The following AGPS variants were observed in gnomAD, a reference collection of about 807,000 sequenced individuals.
AGPS encodes alkyldihydroxyacetonephosphate synthase, peroxisomal.
In AGPS, 26 loss-of-function variants were observed where a neutral mutation model predicts 90.7. That is an observed-to-expected ratio of 0.29 (90% CI 0.21 to 0.40). The LOEUF is 0.40. Among genes scored for constraint, AGPS ranks in the 10% least tolerant of loss-of-function variants. AGPS has a pLI of 1.00. For missense variants in AGPS, 540 were observed against 816.1 expected, an observed-to-expected ratio of 0.66 and a Z score of 4.12; for synonymous variants, 294 against 285.3, an observed-to-expected ratio of 1.03 and a Z score of -0.31.
Position 177,524,004 on chromosome 2 carries a change from G to A in AGPS, c.1855+199G>A, listed in dbSNP as rs915698044. Among the ~76,000 whole-genome samples the A allele has an allele frequency of 7.2e-5, 11 of 152,256 alleles. No individual in the cohort carries two copies. The East Asian group carries it at 1.2e-3, about 16-fold the overall frequency. On this transcript the variant is annotated intron_variant, in intron 19 of 19. Transcript: ENST00000264167. Reference sequence around the variant, plus strand: ...AGCCACTAGAAGCTTACTTTGACACGCCTGCCTAGAAATGGAGCCCAGGCA... The same window carrying A: ...AGCCACTAGAAGCTTACTTTGACACACCTGCCTAGAAATGGAGCCCAGGCA...
chr2:177,499,843 TC>T, intron 14 of AGPS, 113 bp downstream of exon 14: 1 of 684,758 alleles, frequency 1.5e-6, no homozygotes, highest in South Asian at 1.7e-5. Flanking sequence ...ACTGCATGTC[TC>T]AAAGTAGTTA....
chr2:177,409,647 C>T (rs1443833364), intron 1 of AGPS, among the ~76,000 whole-genome samples: 2 of 152,074 alleles, frequency 1.3e-5, no homozygotes, highest in Non-Finnish European at 2.9e-5. Flanking sequence ...CTGCTTCCTG[C>T]TGAATTGGGG....
At chr2:177,519,461 G>A (rs905344421) in intron 17 of AGPS, among the ~76,000 whole-genome samples, 8 of 151,840 alleles carry the variant, frequency 5.3e-5, no homozygotes, top group East Asian at 1.9e-4. Flanking sequence ...CTTCAATCTC[G>A]TTTGTCATTC....
rs1265824354 is a variant in AGPS at position 177,539,309 on chromosome 2, T to A, written c.*1114T>A. 1 of 152,060 alleles carries A rather than the reference T, an allele frequency of 6.6e-6. No homozygotes were observed. The highest frequency in any genetic ancestry group is 1.9e-4 in the East Asian group (1 of 5,196). 9.4% of individuals were successfully genotyped at this position (152,060 alleles called of 1,614,324 possible). On this transcript the variant is annotated 3_prime_UTR_variant, in exon 20 of 20. Transcript: ENST00000264167. ...TTAACCTAATTTTTTTTAAATGTAA[T>A]GTATTAATGCATATACCATAATCAA... is the stretch of plus-strand genomic sequence containing the variant.
chr2:177,396,311 C>A (rs1685172326), intron 1 of AGPS, among the ~76,000 whole-genome samples: 1 of 152,162 alleles, frequency 6.6e-6, no homozygotes, highest in South Asian at 2.1e-4. Flanking sequence ...TGTGGGTTAT[C>A]AGTCCATTCG....
At chr2:177,405,353 T>C (rs1685437604) in intron 1 of AGPS, among the ~76,000 whole-genome samples, 1 of 152,260 alleles carries the variant, frequency 6.6e-6, no homozygotes, top group Non-Finnish European at 1.5e-5. Flanking sequence ...GAACCAACTC[T>C]GGTTATCATG....
chr2:177,505,393 AGT>A (rs1294414231), intron 14 of AGPS, 111 bp from the exon 15 acceptor site: 1 of 919,734 alleles, frequency 1.1e-6, no homozygotes, highest in African/African-American at 1.7e-5. Flanking sequence ...AAATATTAAA[AGT>A]GTTTTCAGAT....
intron 10 of AGPS, among the ~76,000 whole-genome samples, chr2:177,480,372 A>G (rs1010978935): frequency 6.6e-6 from 1 of 152,204 alleles, no homozygotes; most frequent in Non-Finnish European, 1.5e-5. Flanking sequence ...TGTGGCACAT[A>G]TACACCATGG....
At chr2:177,421,084 G>A (rs1685927749) in intron 2 of AGPS, among the ~76,000 whole-genome samples, 1 of 151,896 alleles carries the variant, frequency 6.6e-6, no homozygotes, top group Non-Finnish European at 1.5e-5. Context: ...TTCTAGATAT[G>A]GTCAGAATTG....
intron 2 of AGPS, among the ~76,000 whole-genome samples, chr2:177,433,625 A>G (rs978665983): frequency 1.3e-5 from 2 of 152,200 alleles, no homozygotes; most frequent in African/African-American, 2.4e-5. Flanking sequence ...GACATTGTAC[A>G]TGATATGATG....
chr2:177,446,357 G>A (rs1386259469), intron 8 of AGPS, among the ~76,000 whole-genome samples: 1 of 151,852 alleles, frequency 6.6e-6, no homozygotes, highest in African/African-American at 2.4e-5. Flanking sequence ...TTTCACCGTG[G>A]TCTCGGATCT....
At chr2:177,441,896 T>A (rs1479203482) in intron 6 of AGPS, among the ~76,000 whole-genome samples, 1 of 152,262 alleles carries the variant, frequency 6.6e-6, no homozygotes, top group African/African-American at 2.4e-5. Context: ...TAAATGTTTT[T>A]AAATACCTCA....
intron 15 of AGPS, 84 bp downstream of exon 15, chr2:177,505,659 C>A: frequency 7.9e-7 from 1 of 1,260,220 alleles, no homozygotes; most frequent in Non-Finnish European, 1.1e-6. Flanking sequence ...CAATTGTCTT[C>A]CCTATTTTTT....
intron 1 of AGPS, among the ~76,000 whole-genome samples, chr2:177,400,754 T>A: frequency 6.6e-6 from 1 of 152,232 alleles, no homozygotes; most frequent in East Asian, 1.9e-4. Context: ...TTATAGTTGC[T>A]GTGTCAGAGA....
Position 177,542,369 on chromosome 2 carries a change from A to G in AGPS, c.*4174A>G, listed in dbSNP as rs2079244992. The G allele has an allele frequency of 6.6e-6, 1 of 152,166 alleles. No homozygotes were observed. The highest frequency in any genetic ancestry group is 2.4e-5 in the African/African-American group (1 of 41,448). The allele number at this position is 152,166 out of a possible 1,614,324, so 9.4% of individuals were successfully genotyped here. On this transcript the variant is annotated 3_prime_UTR_variant, in exon 20 of 20. Transcript: ENST00000264167. ...CCTTTTGAACCTTGGAAGATCCTCA[A>G]AGAGTGAGCACTCTTGTGCTCTTCT...
intron 17 of AGPS, among the ~76,000 whole-genome samples, 159 bp downstream of exon 17, chr2:177,514,067 C>G (rs976388505): frequency 2.0e-5 from 3 of 152,068 alleles, no homozygotes; most frequent in Admixed American, 6.5e-5. Flanking sequence ...GATTGTGCCA[C>G]TGGAATTTTA....
intron 19 of AGPS, among the ~76,000 whole-genome samples, chr2:177,529,959 A>G (rs1016749955): frequency 5.3e-5 from 8 of 152,262 alleles, no homozygotes; most frequent in African/African-American, 1.2e-4. Context: ...GTGTTAATCT[A>G]TGTAAAACAT....
chr2:177,452,316 T>A (rs1177729228), intron 8 of AGPS, among the ~76,000 whole-genome samples: 2 of 152,244 alleles, frequency 1.3e-5, no homozygotes, highest in Non-Finnish European at 2.9e-5. Context: ...TGTATATTTC[T>A]TCTGCAGTTC....
At position 177,428,248 on chromosome 2, in the gene AGPS, G is replaced by A. The variant is rs144879551; in HGVS notation, c.351-6079G>A. On this transcript the variant is annotated intron_variant, in intron 2 of 19. Transcript: ENST00000264167. The stretch of plus-strand genomic sequence containing the variant: ...TGCATTTTACATGGGTCTCTTGACA[G>A]CATGCTAATGGGTCTTGACTCTTCA... 5.9e-5 allele frequency among the ~76,000 whole-genome samples: 9 copies of A among 152,226 alleles called. No homozygotes were observed. The East Asian group carries it at 1.5e-3, about 26-fold the overall frequency.
Sources: gnomAD v4.1 joint callset for allele counts (sites outside exome capture counted in the v4.1 genomes callset) on GRCh38, gnomAD v4.1.1 for gene constraint, MANE v1.5 for transcripts, NCBI Gene and HGNC (gene_info 2026-07-23, HGNC 2026-07-21) for gene names.